BTC: variants seen among roughly 807,000 people sequenced by gnomAD.
BTC encodes probetacellulin.
In BTC, 13 loss-of-function variants were observed where a neutral mutation model predicts 18.1. The observed-to-expected ratio is 0.72, with a 90% CI of 0.47 to 1.14. The LOEUF is 1.14. BTC is among the 50% of genes most tolerant of loss of function. The pLI is 0.00. For synonymous variants in BTC, 83 were observed against 79.4 expected (o/e 1.05, Z -0.24); for missense variants, 247 against 224.2 (o/e 1.10, Z -0.65).
intron 1 of BTC, among the ~76,000 whole-genome samples, chr4:74,783,820 G>A (rs1426138071): frequency 2.6e-5 from 4 of 151,984 alleles, no homozygotes; most frequent in African/African-American, 9.7e-5. Flanking sequence ...TCTCCCTGAA[G>A]AGGTCCTTCA....
chr4:74,780,275 T>A (rs948837833), intron 1 of BTC, among the ~76,000 whole-genome samples: 1 of 152,166 alleles, frequency 6.6e-6, no homozygotes, highest in African/African-American at 2.4e-5. Context: ...AGATTCCCAA[T>A]TAAGAATCTG....
intron 1 of BTC, among the ~76,000 whole-genome samples, chr4:74,783,335 G>T (rs144705384): frequency 3.3e-5 from 5 of 151,854 alleles, no homozygotes; most frequent in Non-Finnish European, 7.4e-5. Flanking sequence ...CAGTTCTCTC[G>T]GCACCGTTTA....
intron 1 of BTC, among the ~76,000 whole-genome samples, chr4:74,778,762 G>A (rs1035947967): frequency 1.3e-5 from 2 of 152,104 alleles, no homozygotes; most frequent in Non-Finnish European, 2.9e-5. Flanking sequence ...CCTGGGACAT[G>A]GTGTTTTATC....
Position 74,746,248 on chromosome 4 carries a change from A to T in BTC, c.*429T>A, listed in dbSNP as rs1553955472. The T allele has an allele frequency of 6.6e-6, 1 of 152,222 alleles. No homozygotes were observed. Among genetic ancestry groups the T allele is most frequent in the East Asian group, 1.9e-4 (1 of 5,204 alleles). 9.4% of individuals were successfully genotyped at this position (152,222 alleles called of 1,614,324 possible). A position where few individuals can be genotyped will look rare whatever the true frequency, so the allele number is the denominator to read the frequency against. On this transcript the variant is annotated 3_prime_UTR_variant, in exon 6 of 6. Transcript: ENST00000395743. ...CCATATGTAGGAAATGAGGATTATA[A>T]TAGCTATCTCATGGATTGCTGAAAG...
At chr4:74,771,670 C>T (rs1037850960) in intron 1 of BTC, among the ~76,000 whole-genome samples, 2 of 152,164 alleles carry the variant, frequency 1.3e-5, no homozygotes, top group African/African-American at 4.8e-5. Flanking sequence ...ATGTACCTAA[C>T]ATGGGTAACA....
At chr4:74,780,319 C>G (rs944917407) in intron 1 of BTC, among the ~76,000 whole-genome samples, 1 of 152,152 alleles carries the variant, frequency 6.6e-6, no homozygotes, top group South Asian at 2.1e-4. Flanking sequence ...AAGTATTTAA[C>G]AGCGAAGACA....
At chr4:74,747,114 G>A (rs1345662151) in intron 5 of BTC, among the ~76,000 whole-genome samples, 3 of 152,176 alleles carry the variant, frequency 2.0e-5, no homozygotes, top group Admixed American at 6.5e-5. Flanking sequence ...GAGCCAATAC[G>A]TTGCCTTCAT....
intron 1 of BTC, among the ~76,000 whole-genome samples, chr4:74,793,921 C>A (rs1725698715): frequency 6.6e-6 from 1 of 151,442 alleles, no homozygotes; most frequent in Non-Finnish European, 1.5e-5. Context: ...CAGCGCCTCA[C>A]CCCGGTGGAC....
At chr4:74,768,844 G>A (rs916325895) in intron 2 of BTC, among the ~76,000 whole-genome samples, 17 of 152,138 alleles carry the variant, frequency 1.1e-4, no homozygotes, top group African/African-American at 4.1e-4. Context: ...TTTCCCAAGG[G>A]AAATGTGAAA....
intron 2 of BTC, among the ~76,000 whole-genome samples, chr4:74,762,941 G>C (rs143385636): frequency 1.5e-4 from 23 of 152,270 alleles, no homozygotes; most frequent in African/African-American, 5.5e-4. Flanking sequence ...TTGTGTTCTT[G>C]AGATTTTTTG....
Position 74,746,363 on chromosome 4 carries a change from C to T in BTC, c.*314G>A, listed in dbSNP as rs376471005. 1 of 152,434 alleles carries T rather than the reference C, an allele frequency of 6.6e-6. No homozygotes were observed. 9.4% of individuals were successfully genotyped at this position (152,434 alleles called of 1,614,324 possible). A position where few individuals can be genotyped will look rare whatever the true frequency, so the allele number is the denominator to read the frequency against. On this transcript the variant is annotated 3_prime_UTR_variant, in exon 6 of 6. Transcript: ENST00000395743. Reference sequence around the variant, plus strand: ...TTATTATTAATTCAATTCCTAAGACCTAACCTCCTTTCTACTTTTCTTTTT... The same window carrying T: ...TTATTATTAATTCAATTCCTAAGACTTAACCTCCTTTCTACTTTTCTTTTT...
intron 1 of BTC, among the ~76,000 whole-genome samples, chr4:74,771,465 T>C (rs745662051): frequency 6.6e-6 from 1 of 152,184 alleles, no homozygotes; most frequent in Non-Finnish European, 1.5e-5. Flanking sequence ...CACAGGTGAA[T>C]AGGATGTGCT....
chr4:74,785,152 G>A (rs755702999), intron 1 of BTC, among the ~76,000 whole-genome samples: 19 of 152,102 alleles, frequency 1.2e-4, no homozygotes, highest in Non-Finnish European at 1.8e-4. Flanking sequence ...AGTTAGTCTT[G>A]AGAAGGTGTA....
At chr4:74,762,023 C>G (rs1426351060) in intron 2 of BTC, among the ~76,000 whole-genome samples, 3 of 152,156 alleles carry the variant, frequency 2.0e-5, no homozygotes, top group African/African-American at 7.2e-5. Context: ...GGATGACAGC[C>G]TGCTGCATAG....
chr4:74,781,582 C>A (rs1343918374), intron 1 of BTC, among the ~76,000 whole-genome samples: 1 of 152,000 alleles, frequency 6.6e-6, no homozygotes, highest in Non-Finnish European at 1.5e-5. Flanking sequence ...AAAATCCACC[C>A]CCATTGTTGG....
chr4:74,764,842 T>C lies in BTC; in HGVS notation c.163+5216A>G, dbSNP rs142044611. ...TATATACCCAGCACTGGATAACTTA[T>C]AAAGGAAAGAAGTTTAATTGACTTG... On this transcript the variant is annotated intron_variant, in intron 2 of 5. Transcript: ENST00000395743. 5.9e-5 allele frequency among the ~76,000 whole-genome samples: 9 copies of C among 152,188 alleles called. No individual in the cohort carries two copies. The East Asian group carries it at 1.5e-3, about 26-fold the overall frequency.
intron 1 of BTC, 83 bp from the exon 2 acceptor site, chr4:74,770,239 C>T (rs1303503282): frequency 9.2e-7 from 1 of 1,092,160 alleles, no homozygotes; most frequent in Non-Finnish European, 1.3e-6. Flanking sequence ...ACCCATTTCA[C>T]CCATTTATGA....
chr4:74,755,680 C>T (rs893981497), intron 3 of BTC, among the ~76,000 whole-genome samples, 179 bp downstream of exon 3: 3 of 152,176 alleles, frequency 2.0e-5, no homozygotes, highest in Admixed American at 6.5e-5. Context: ...GGAAAGTGTG[C>T]GTCAGTTTCT....
intron 1 of BTC, among the ~76,000 whole-genome samples, chr4:74,792,882 C>T (rs1577975313): frequency 6.6e-6 from 1 of 152,362 alleles, no homozygotes; most frequent in East Asian, 1.9e-4. Flanking sequence ...GGTTACCCTG[C>T]TGGGCTTGCA....
Sources: gnomAD v4.1 joint callset for allele counts (sites outside exome capture counted in the v4.1 genomes callset) on GRCh38, gnomAD v4.1.1 for gene constraint, MANE v1.5 for transcripts, NCBI Gene and HGNC (gene_info 2026-07-23, HGNC 2026-07-21) for gene names.